Variants in INPP5A observed in about 807,000 individuals in gnomAD.
The protein encoded by INPP5A is inositol polyphosphate-5-phosphatase A.
INPP5A carries 14 observed loss-of-function variants against 65.2 expected under a neutral mutation model. That is an observed-to-expected ratio of 0.21 (90% CI 0.14 to 0.34). The LOEUF (loss-of-function observed/expected upper bound fraction) is 0.34, where lower values mean the gene tolerates loss of function less well. INPP5A is among the 10% of genes least tolerant of loss of function. The pLI is 1.00. For synonymous variants in INPP5A, 207 were observed against 208.3 expected (o/e 0.99, Z 0.05); for missense variants, 431 against 545.6 (o/e 0.79, Z 2.09).
chr10:132,756,101 C>T (rs192098936), intron 11 of INPP5A, among the ~76,000 whole-genome samples: 6 of 152,316 alleles, frequency 3.9e-5, no homozygotes, highest in African/African-American at 1.2e-4. Context: ...GATGGCAACA[C>T]ACTCAGAATC....
In INPP5A at chr10:132,627,690, G is replaced by A. The variant is rs113762029; in HGVS notation, c.118-18178G>A. Among the ~76,000 whole-genome samples, 447 of 152,294 alleles carry A rather than the reference G, an allele frequency of 2.9e-3. 1 individual carries two copies. The highest frequency in any genetic ancestry group is 0.01 in the African/African-American group (435 of 41,550). On this transcript the variant is annotated intron_variant, in intron 2 of 15. Coordinates refer to ENST00000368594, the MANE Select transcript of INPP5A (RefSeq NM_005539.5). This position sits in a 1 kb window ranked among gnomAD's most constrained non-coding sequence, Gnocchi z 6.6. ...GGTCCGGGGCTGGGGGTGTGAGATG[G>A]CTGGGATTATAGTGAGAGGCGAGAC...
At chr10:132,614,693 A>G (rs1299724574) in intron 2 of INPP5A, among the ~76,000 whole-genome samples, 1 of 152,236 alleles carries the variant, frequency 6.6e-6, no homozygotes, top group Admixed American at 6.5e-5. Flanking sequence ...CCCCTCCCAC[A>G]TTCCTGTGTT....
chr10:132,715,182 G>A (rs1032864831), intron 8 of INPP5A, among the ~76,000 whole-genome samples: 1 of 152,210 alleles, frequency 6.6e-6, no homozygotes, highest in Non-Finnish European at 1.5e-5. Flanking sequence ...GAGGCGTCCC[G>A]AAACCTTCCT....
chr10:132,677,692 C>T (rs938582262), intron 4 of INPP5A, among the ~76,000 whole-genome samples: 2 of 152,206 alleles, frequency 1.3e-5, no homozygotes, highest in East Asian at 1.9e-4. Flanking sequence ...TGGAATTTAT[C>T]GTGGCCAGCG....
At chr10:132,680,668 C>T (rs1174293164) in intron 4 of INPP5A, among the ~76,000 whole-genome samples, 10 of 152,264 alleles carry the variant, frequency 6.6e-5, no homozygotes, top group Admixed American at 2.0e-4. Flanking sequence ...GAGGGAGAGG[C>T]GCTAGCGGGA....
intron 2 of INPP5A, among the ~76,000 whole-genome samples, chr10:132,636,232 T>TA (rs1398654071): frequency 2.0e-5 from 3 of 151,964 alleles, no homozygotes; most frequent in African/African-American, 4.8e-5. Context: ...TATTCGGCCA[T>TA]AAAAAGAATG....
At chr10:132,624,934 C>G (rs1305884369) in intron 2 of INPP5A, among the ~76,000 whole-genome samples, 3 of 152,160 alleles carry the variant, frequency 2.0e-5, no homozygotes, top group African/African-American at 7.2e-5. Flanking sequence ...CACCTGTCAG[C>G]AGGTGCTGCC....
rs1846959514 is a variant in INPP5A at position 132,771,812 on chromosome 10, G to GCCACC, written c.978-5857_978-5856insACCCC. On this transcript the variant is annotated intron_variant, in intron 12 of 15. Transcript: ENST00000368594. ...CAGCACTGACACGGAGGCCCAGGCA[G>GCCACC]CCGCCCCGTGAAGAGTGGGGCACTC... Among the ~76,000 whole-genome samples the GCCACC allele has an allele frequency of 3.3e-5, 4 of 122,274 alleles. 1 individual carries two copies. Among genetic ancestry groups the GCCACC allele is most frequent in the African/African-American group, 1.3e-4 (4 of 30,212 alleles). The allele number at this position is 122,274 out of a possible 152,430, so 80.2% of individuals were successfully genotyped here.
chr10:132,594,914 T>G (rs1490944288), intron 1 of INPP5A, among the ~76,000 whole-genome samples: 5 of 152,214 alleles, frequency 3.3e-5, no homozygotes, highest in Non-Finnish European at 5.9e-5. Flanking sequence ...TTATTTAACA[T>G]TCTGGCCAAA....
intron 2 of INPP5A, among the ~76,000 whole-genome samples, chr10:132,636,938 A>G (rs115880465): frequency 0.035 from 5,363 of 152,092 alleles, 302 homozygotes; most frequent in African/African-American, 0.12. Context: ...TTTCTCTTTG[A>G]GATGGAGCCT....
At chr10:132,768,309 G>A (rs1362276412) in intron 12 of INPP5A, among the ~76,000 whole-genome samples, 2 of 146,724 alleles carry the variant, frequency 1.4e-5, no homozygotes, top group African/African-American at 5.1e-5. Context: ...CGTTCCCAGG[G>A]TGCCCACGCG....
chr10:132,779,414 G>A (rs937017761), intron 13 of INPP5A, among the ~76,000 whole-genome samples: 5 of 152,266 alleles, frequency 3.3e-5, no homozygotes, highest in African/African-American at 1.2e-4. Flanking sequence ...GAAAACGTCG[G>A]AGGTCACGCG....
chr10:132,596,437 T>G (rs1409263227), intron 1 of INPP5A, among the ~76,000 whole-genome samples: 1 of 151,278 alleles, frequency 6.6e-6, no homozygotes, highest in Non-Finnish European at 1.5e-5. Context: ...TTGTTTTGTT[T>G]TTTTTTTTTG....
chr10:132,630,806 C>T (rs1590880445), intron 2 of INPP5A, among the ~76,000 whole-genome samples: 2 of 137,828 alleles, frequency 1.5e-5, no homozygotes, highest in African/African-American at 2.6e-5. Context: ...GCGGCGGGGG[C>T]GGCGGGGGAC....
At position 132,697,282 on chromosome 10, in the gene INPP5A, G is replaced by A. The variant is rs1020860168; in HGVS notation, c.371-534G>A. 3.3e-5 allele frequency among the ~76,000 whole-genome samples: 5 copies of A among 152,242 alleles called. No homozygotes were observed. Among genetic ancestry groups the A allele is most frequent in the Non-Finnish European group, 5.9e-5 (4 of 68,040 alleles). The stretch of plus-strand genomic sequence containing the variant: ...ACGGGCCCTGCCCATGGCGAGGCCT[G>A]TGTCCCTGGGCCTGGCCTATCCACT... On this transcript the variant is annotated intron_variant, in intron 5 of 15. Coordinates refer to ENST00000368594, the MANE Select transcript of INPP5A (RefSeq NM_005539.5). The surrounding 1 kb of genome is among the most constrained non-coding windows in gnomAD (Gnocchi z 5.6).
At chr10:132,647,643 C>T (rs889287036) in intron 3 of INPP5A, among the ~76,000 whole-genome samples, 3 of 152,078 alleles carry the variant, frequency 2.0e-5, no homozygotes, top group African/African-American at 4.8e-5. Flanking sequence ...GAGGCAGGTG[C>T]GCAGCCCAGA....
rs2072208537 is a variant in INPP5A at position 132,627,810 on chromosome 10, G to A, written c.118-18058G>A. On this transcript the variant is annotated intron_variant, in intron 2 of 15. Transcript: ENST00000368594. This position sits in a 1 kb window ranked among gnomAD's most constrained non-coding sequence, Gnocchi z 6.6. The stretch of plus-strand genomic sequence containing the variant: ...CTCAGGGTAACGGCAGCCACGGACA[G>A]ATTTGTGAGGACCTTTGGTTGGAGT... Among the ~76,000 whole-genome samples, 1 of 152,182 alleles carries A rather than the reference G, an allele frequency of 6.6e-6. No individual in the cohort carries two copies. The highest frequency in any genetic ancestry group is 2.4e-5 in the African/African-American group (1 of 41,436).
chr10:132,754,967 A>AAGCAGGCATGTGTGCGGACGTGTGTG (rs1846565694), intron 11 of INPP5A, among the ~76,000 whole-genome samples: 1 of 150,816 alleles, frequency 6.6e-6, no homozygotes, highest in Non-Finnish European at 1.5e-5. Flanking sequence ...GTGTGTGTAT[A>AAGCAGGCATGTGTGCGGACGTGTGTG]AGCAGGCATG....
At position 132,741,581 on chromosome 10, in the gene INPP5A, T is replaced by G. The variant is rs1590973789; in HGVS notation, c.733-7936T>G. On this transcript the variant is annotated intron_variant, in intron 9 of 15. Transcript: ENST00000368594. This position sits in a 1 kb window ranked among gnomAD's most constrained non-coding sequence, Gnocchi z 4.4. The stretch of plus-strand genomic sequence containing the variant: ...AGAAGAGGATGCCCCAGAATGAAGG[T>G]GGAGGCTGCTGTCCACTCTGCAGAA... 6.6e-6 allele frequency among the ~76,000 whole-genome samples: 1 copy of G among 152,126 alleles called. No homozygotes were observed. The highest frequency in any genetic ancestry group is 6.5e-5 in the Admixed American group (1 of 15,272).
Sources: gnomAD v4.1 joint callset for allele counts (sites outside exome capture counted in the v4.1 genomes callset) on GRCh38, gnomAD v4.1.1 for gene constraint, Gnocchi (gnomAD v3.1) non-coding constraint, MANE v1.5 for transcripts, NCBI Gene and HGNC (gene_info 2026-07-23, HGNC 2026-07-21) for gene names.